Variants in DENND1A observed in about 807,000 individuals in gnomAD.
The protein encoded by DENND1A is DENN domain containing 1A.
DENND1A carries 51 observed loss-of-function variants against 113.7 expected under a neutral mutation model. That is an observed-to-expected ratio of 0.45 (90% CI 0.36 to 0.57). The LOEUF (loss-of-function observed/expected upper bound fraction) is 0.57. Among genes scored for constraint, DENND1A ranks in the 20% least tolerant of loss-of-function variants. DENND1A has a pLI of 0.00. For synonymous variants in DENND1A, 565 were observed against 570.8 expected (o/e 0.99, Z 0.14); for missense variants, 1,258 against 1,395.9 (o/e 0.90, Z 1.57).
At chr9:123,822,173 C>G (rs529577063) in intron 2 of DENND1A, among the ~76,000 whole-genome samples, 1 of 152,086 alleles carries the variant, frequency 6.6e-6, no homozygotes, top group Admixed American at 6.6e-5. Flanking sequence ...GGCTTTCTAT[C>G]AAACTGATAA....
chr9:123,631,907 G>T (rs6478625), intron 9 of DENND1A, among the ~76,000 whole-genome samples: 1 of 151,964 alleles, frequency 6.6e-6, no homozygotes, highest in Admixed American at 6.5e-5. Flanking sequence ...GGAGATATAG[G>T]TATGAAGTGA....
In DENND1A at chr9:123,550,098, G is replaced by A. The variant is rs144753168; in HGVS notation, c.993+7472C>T. 4.0e-3 allele frequency among the ~76,000 whole-genome samples: 604 copies of A among 152,228 alleles called. 1 individual carries two copies. Among genetic ancestry groups the A allele is most frequent in the African/African-American group, 0.014 (580 of 41,510 alleles). On this transcript the variant is annotated intron_variant, in intron 13 of 23. Transcript: ENST00000394215. ...AATCTGCTTTTATCTCAACTTCTGC[G>A]TCCTCCAGGGGTTTTAGGTGGATAA...
chr9:123,851,110 C>A (rs1225192046), intron 2 of DENND1A, among the ~76,000 whole-genome samples: 1 of 152,178 alleles, frequency 6.6e-6, no homozygotes, highest in African/African-American at 2.4e-5. Context: ...TGTGTACATC[C>A]ATTAAACCAT....
intron 13 of DENND1A, among the ~76,000 whole-genome samples, chr9:123,459,402 A>T (rs1436366514): frequency 6.6e-6 from 1 of 152,226 alleles, no homozygotes; most frequent in Non-Finnish European, 1.5e-5. Flanking sequence ...GCAAACTGAA[A>T]TTTTAAAATA....
chr9:123,918,345 G>A (rs1172896014), intron 1 of DENND1A, among the ~76,000 whole-genome samples: 5 of 151,650 alleles, frequency 3.3e-5, no homozygotes, highest in African/African-American at 1.2e-4. Flanking sequence ...AAAATTAGCC[G>A]GGCGTGGCGG....
intron 1 of DENND1A, among the ~76,000 whole-genome samples, chr9:123,891,944 G>A (rs1042501498): frequency 1.3e-5 from 2 of 152,182 alleles, no homozygotes; most frequent in African/African-American, 4.8e-5. Flanking sequence ...CCAGATTATG[G>A]TGCAAGGAGG....
intron 12 of DENND1A, among the ~76,000 whole-genome samples, chr9:123,575,365 A>G (rs1193229837): frequency 6.6e-6 from 1 of 152,138 alleles, no homozygotes; most frequent in Non-Finnish European, 1.5e-5. Flanking sequence ...CTCACCTCCT[A>G]CTGTATGGCT....
At chr9:123,646,859 G>C (rs941069715) in intron 9 of DENND1A, among the ~76,000 whole-genome samples, 2 of 152,154 alleles carry the variant, frequency 1.3e-5, no homozygotes, top group African/African-American at 4.8e-5. Flanking sequence ...AGAGAGGACA[G>C]ACGGTTCATC....
At chr9:123,578,905 G>A (rs1250420652) in intron 12 of DENND1A, among the ~76,000 whole-genome samples, 1 of 152,062 alleles carries the variant, frequency 6.6e-6, no homozygotes, top group African/African-American at 2.4e-5. Flanking sequence ...AGCAGGTCTT[G>A]AAGAATGAGT....
intron 8 of DENND1A, among the ~76,000 whole-genome samples, chr9:123,654,666 C>T (rs898253273): frequency 2.0e-5 from 3 of 152,190 alleles, no homozygotes; most frequent in African/African-American, 7.2e-5. Context: ...AACATTTAGC[C>T]AAATTCTCTC....
At chr9:123,894,820 T>A (rs1850465803) in intron 1 of DENND1A, among the ~76,000 whole-genome samples, 1 of 152,228 alleles carries the variant, frequency 6.6e-6, no homozygotes, top group South Asian at 2.1e-4. Context: ...CTTTAAAATA[T>A]TCCAAACATT....
At chr9:123,559,680 C>T (rs886500038) in intron 12 of DENND1A, among the ~76,000 whole-genome samples, 1 of 152,206 alleles carries the variant, frequency 6.6e-6, no homozygotes, top group Non-Finnish European at 1.5e-5. Context: ...CTTATTGAGA[C>T]ATATTTCACA....
At chr9:123,482,616 G>A (rs2050437670) in intron 13 of DENND1A, among the ~76,000 whole-genome samples, 1 of 152,144 alleles carries the variant, frequency 6.6e-6, no homozygotes, top group Non-Finnish European at 1.5e-5. Flanking sequence ...TCAGCCCCTG[G>A]AGCTATCACA....
chr9:123,630,371 C>T lies in DENND1A; in HGVS notation c.719+5G>A. ...AGAAGCAGAGGACAGGGCCAGCCAC[C>T]TTACCAGCAGTAGTCCAGCAGATGC... On this transcript the variant is annotated splice_donor_5th_base_variant and intron_variant, in intron 10 of 23. Transcript: ENST00000394215. 1 of 1,587,338 alleles carries T rather than the reference C, an allele frequency of 6.3e-7. No individual in the cohort carries two copies. The highest frequency in any genetic ancestry group is 8.6e-7 in the Non-Finnish European group (1 of 1,163,544).
intron 21 of DENND1A, among the ~76,000 whole-genome samples, chr9:123,396,011 C>A (rs1338483613): frequency 1.3e-5 from 2 of 151,662 alleles, no homozygotes; most frequent in African/African-American, 4.8e-5. Flanking sequence ...GCGTGTGAGA[C>A]AAAGAGAAAG....
intron 1 of DENND1A, among the ~76,000 whole-genome samples, chr9:123,929,519 C>A (rs574759294): frequency 6.6e-6 from 1 of 152,298 alleles, no homozygotes; most frequent in East Asian, 1.9e-4. Context: ...CTTTCAGGGG[C>A]GCCCCAAACA....
chr9:123,807,263 T>A (rs1835749497), intron 2 of DENND1A, among the ~76,000 whole-genome samples: 1 of 152,228 alleles, frequency 6.6e-6, no homozygotes, highest in Non-Finnish European at 1.5e-5. Context: ...CATAATTTTT[T>A]AAATGAACTT....
chr9:123,569,552 A>G (rs1358209730), intron 12 of DENND1A: 1 of 152,286 alleles, frequency 6.6e-6, no homozygotes, highest in Non-Finnish European at 1.5e-5. Context: ...CAAATCATAC[A>G]CACACGCTTA....
At chr9:123,858,016 G>A (rs1450304629) in intron 2 of DENND1A, among the ~76,000 whole-genome samples, 1 of 147,120 alleles carries the variant, frequency 6.8e-6, no homozygotes. Flanking sequence ...CAGAGATCTT[G>A]CCACTGCACT....
Sources: gnomAD v4.1 joint callset for allele counts (sites outside exome capture counted in the v4.1 genomes callset) on GRCh38, gnomAD v4.1.1 for gene constraint, MANE v1.5 for transcripts, NCBI Gene and HGNC (gene_info 2026-07-23, HGNC 2026-07-21) for gene names.